TJP1: variants seen among roughly 807,000 people sequenced by gnomAD.
TJP1 encodes tight junction protein ZO-1.
In TJP1, 43 loss-of-function variants were observed where a neutral mutation model predicts 194.2. That is an observed-to-expected ratio of 0.22 (90% CI 0.17 to 0.29). The LOEUF (loss-of-function observed/expected upper bound fraction) is 0.29. TJP1 is among the 10% of genes least tolerant of loss of function. The probability of loss-of-function intolerance (pLI) is 1.00; values close to 1 mark genes in which losing one functional copy is unlikely to be tolerated. For missense variants in TJP1, 1,971 were observed against 2,185.7 expected (o/e 0.90, Z 1.96); for synonymous variants, 801 against 779.0 (o/e 1.03, Z -0.47).
chr15:29,719,337 T>C (rs535837354), intron 20 of TJP1, among the ~76,000 whole-genome samples, 199 bp from the exon 21 acceptor site: 1 of 152,344 alleles, frequency 6.6e-6, no homozygotes, highest in African/African-American at 2.4e-5. Context: ...TAGGGGCTTT[T>C]ATGTTTCAGC....
At chr15:29,949,993 C>CCACA (rs2055615429) in intron 2 of TJP1, among the ~76,000 whole-genome samples, 1 of 71,926 alleles carries the variant, frequency 1.4e-5, no homozygotes, top group Non-Finnish European at 2.6e-5. Flanking sequence ...CCACCTCCAC[C>CCACA]ACCACCACCT....
intron 1 of TJP1, among the ~76,000 whole-genome samples, chr15:29,809,922 T>C (rs779072531): frequency 2.0e-5 from 3 of 152,200 alleles, no homozygotes; most frequent in South Asian, 2.1e-4. Flanking sequence ...AATGTAGTTA[T>C]AGTACTTTTA....
chr15:29,901,086 A>T (rs2053620306), intron 2 of TJP1, among the ~76,000 whole-genome samples: 1 of 152,012 alleles, frequency 6.6e-6, no homozygotes, highest in Non-Finnish European at 1.5e-5. Context: ...TAGTGGCTAG[A>T]CTTCTCAAGA....
intron 15 of TJP1, chr15:29,728,232 A>G (rs1216968944): frequency 4.5e-6 from 2 of 447,406 alleles, no homozygotes; most frequent in Non-Finnish European, 7.9e-6. Context: ...TTCTGGAAAA[A>G]AACTTAGCCA....
chr15:29,771,598 G>A (rs1310306463), intron 4 of TJP1, among the ~76,000 whole-genome samples: 1 of 152,036 alleles, frequency 6.6e-6, no homozygotes, highest in Admixed American at 6.5e-5. Flanking sequence ...GAGGTCAGGA[G>A]ATCGAGACCA....
At chr15:29,723,399 C>T (rs2151164599) in intron 18 of TJP1, among the ~76,000 whole-genome samples, 1 of 152,322 alleles carries the variant, frequency 6.6e-6, no homozygotes, top group South Asian at 2.1e-4. Flanking sequence ...CCCCTTCTCT[C>T]TCTTCCTCCT....
intron 24 of TJP1, among the ~76,000 whole-genome samples, chr15:29,710,525 G>A (rs1048264328): frequency 6.6e-6 from 1 of 152,132 alleles, no homozygotes; most frequent in African/African-American, 2.4e-5. Flanking sequence ...TTCTATTTGG[G>A]TGTGTGAGAT....
chr15:29,939,986 T>C (rs1187825989), intron 2 of TJP1, among the ~76,000 whole-genome samples: 1 of 152,104 alleles, frequency 6.6e-6, no homozygotes, highest in African/African-American at 2.4e-5. Context: ...TAAGACACCA[T>C]GCACTTGAAT....
chr15:29,791,644 C>T (rs952493567), intron 2 of TJP1, among the ~76,000 whole-genome samples: 4 of 145,640 alleles, frequency 2.7e-5, no homozygotes, highest in South Asian at 2.2e-4. Flanking sequence ...CCACCCACCT[C>T]GGCCTCCCAA....
At chr15:29,866,726 A>C (rs1033541999) in intron 2 of TJP1, among the ~76,000 whole-genome samples, 1 of 152,248 alleles carries the variant, frequency 6.6e-6, no homozygotes, top group Non-Finnish European at 1.5e-5. Flanking sequence ...TAAAAAATAT[A>C]ATTTGTCTTT....
At chr15:29,710,152 GAA>G (rs141147225) in intron 24 of TJP1, among the ~76,000 whole-genome samples, 1 of 139,182 alleles carries the variant, frequency 7.2e-6, no homozygotes, top group African/African-American at 2.6e-5. Context: ...TCAAAAAGAG[GAA>G]AAAAAAAAAG....
intron 2 of TJP1, among the ~76,000 whole-genome samples, chr15:29,884,662 T>C (rs561156575): frequency 6.6e-6 from 1 of 152,362 alleles, no homozygotes; most frequent in African/African-American, 2.4e-5. Context: ...TTCTTATCCA[T>C]TCTTTTATTC....
intron 2 of TJP1, among the ~76,000 whole-genome samples, chr15:29,878,778 G>A (rs2052809960): frequency 6.6e-6 from 1 of 152,176 alleles, no homozygotes; most frequent in Non-Finnish European, 1.5e-5. Context: ...CGATGTGGGA[G>A]GAGGGGCTGG....
rs1177977593 is a variant in TJP1 at position 29,719,838 on chromosome 15, G to A, written c.2942C>T (p.Ala981Val). The A allele has an allele frequency of 1.9e-6, 3 of 1,614,058 alleles. No individual in the cohort carries two copies. The highest frequency in any genetic ancestry group is 2.5e-6 in the Non-Finnish European group (3 of 1,180,020). The change falls in exon 20 of 28, where the codon GCA becomes GTA. Residue 981 changes from alanine (A) to valine (V), a missense_variant. Coordinates refer to ENST00000614355, the MANE Select transcript of TJP1 (RefSeq NM_001330239.4). ...ADSLRTPSTEAAHIMLRDQEP... is the reference protein window; with the variant it reads ...ADSLRTPSTEVAHIMLRDQEP... ...TTGATCTCTTAGCATTATGTGAGCT[G>A]CCTCAGTACTTGGTGTTCTTAAAGA...
At chr15:29,941,946 C>T (rs1032188597) in intron 2 of TJP1, among the ~76,000 whole-genome samples, 10 of 152,216 alleles carry the variant, frequency 6.6e-5, no homozygotes, top group African/African-American at 1.7e-4. Flanking sequence ...AGGAGGGAAG[C>T]GACTGGAGAA....
At position 29,716,773 on chromosome 15, in the gene TJP1, T is replaced by G. The variant is rs2291166; in HGVS notation, c.4040A>C (p.Asp1347Ala). 92,339 of 1,614,036 alleles carry G rather than the reference T, an allele frequency of 0.057. 2,953 individuals are homozygous for G. The highest frequency in any genetic ancestry group is 0.083 in the South Asian group (7,574 of 91,068). The change falls in exon 23 of 28, where the codon GAC becomes GCC. Residue 1347 changes from aspartate (D) to alanine (A), a missense_variant. Asp to Ala is a moderately radical substitution (Grantham distance 126). Transcript: ENST00000614355. ...PEDIVRSNHYDPEEDEEYYRK... is the reference protein window; with the variant it reads ...PEDIVRSNHYAPEEDEEYYRK... The stretch of plus-strand genomic sequence containing the variant: ...ATAATATTCTTCATCTTCTTCAGGG[T>G]CATAATGATTGGACCGAACAATATC...
At chr15:29,888,429 A>G (rs777496503) in intron 2 of TJP1, among the ~76,000 whole-genome samples, 4 of 152,218 alleles carry the variant, frequency 2.6e-5, no homozygotes, top group Non-Finnish European at 4.4e-5. Flanking sequence ...CATTGAGGCT[A>G]AGACATCAAT....
chr15:29,813,947 C>G (rs573361526), intron 1 of TJP1, among the ~76,000 whole-genome samples: 1 of 152,268 alleles, frequency 6.6e-6, no homozygotes, highest in South Asian at 2.1e-4. Flanking sequence ...TTCTTGAACC[C>G]TAAATGTAAC....
At chr15:29,790,619 A>G (rs534410575) in intron 2 of TJP1, among the ~76,000 whole-genome samples, 2 of 152,258 alleles carry the variant, frequency 1.3e-5, no homozygotes, top group African/African-American at 2.4e-5. Flanking sequence ...TTGTGCTACT[A>G]AACACTGTAT....
Sources: gnomAD v4.1 joint callset for allele counts (sites outside exome capture counted in the v4.1 genomes callset) on GRCh38, gnomAD v4.1.1 for gene constraint, MANE v1.5 for transcripts, NCBI Gene and HGNC (gene_info 2026-07-23, HGNC 2026-07-21) for gene names.